The following MSI2 variants were observed in gnomAD, a reference collection of about 807,000 sequenced individuals.
MSI2 encodes the protein musashi RNA binding protein 2.
MSI2 carries 17 observed loss-of-function variants against 45.6 expected under a neutral mutation model. That is an observed-to-expected ratio of 0.37 (90% CI 0.26 to 0.56). The LOEUF is 0.56. Ranked by LOEUF, MSI2 falls within the 20% of genes least tolerant of loss-of-function variation. The probability of loss-of-function intolerance (pLI) is 0.77; values close to 1 mark genes in which losing one functional copy is unlikely to be tolerated. For synonymous variants in MSI2, 156 were observed against 158.2 expected (o/e 0.99, Z 0.11); for missense variants, 293 against 444.2 (o/e 0.66, Z 3.06).
At chr17:57,542,190 TG>T (rs1361283754) in intron 7 of MSI2, among the ~76,000 whole-genome samples, 1 of 152,162 alleles carries the variant, frequency 6.6e-6, no homozygotes. Context: ...GTGAGAATGG[TG>T]GTGACCCAAG....
At chr17:57,374,405 T>A (rs2083463475) in intron 5 of MSI2, among the ~76,000 whole-genome samples, 1 of 152,208 alleles carries the variant, frequency 6.6e-6, no homozygotes, top group African/African-American at 2.4e-5. Flanking sequence ...TTCCTCAATA[T>A]TTTTTTCCTG....
chr17:57,443,204 A>G (rs974516922), intron 6 of MSI2, among the ~76,000 whole-genome samples: 2 of 152,092 alleles, frequency 1.3e-5, no homozygotes, highest in African/African-American at 4.8e-5. Context: ...GGCCTTGGGT[A>G]AAGGGAGTGG....
chr17:57,546,215 A>G (rs968500173), intron 7 of MSI2, among the ~76,000 whole-genome samples: 10 of 152,198 alleles, frequency 6.6e-5, no homozygotes, highest in African/African-American at 2.4e-4. Context: ...GGTAATGAAT[A>G]AAGAAACATT....
intron 6 of MSI2, among the ~76,000 whole-genome samples, chr17:57,411,496 G>T (rs940371413): frequency 6.6e-6 from 1 of 152,314 alleles, no homozygotes; most frequent in South Asian, 2.1e-4. Context: ...CAACAGCCCT[G>T]TGAGGTAGGA....
chr17:57,695,444 C>G, the MSI2 span, among the ~76,000 whole-genome samples: 1 of 152,160 alleles, frequency 6.6e-6, no homozygotes, highest in African/African-American at 2.4e-5. Context: ...TGCGGTCACC[C>G]AGGACTTACT....
chr17:57,362,206 G>A (rs970513435), intron 5 of MSI2, among the ~76,000 whole-genome samples: 1 of 152,182 alleles, frequency 6.6e-6, no homozygotes, highest in Non-Finnish European at 1.5e-5. Flanking sequence ...GAATGAATGT[G>A]GAACCAAATT....
chr17:57,331,314 C>T (rs1914252667), intron 5 of MSI2, among the ~76,000 whole-genome samples: 4 of 152,168 alleles, frequency 2.6e-5, no homozygotes, highest in Non-Finnish European at 5.9e-5. Context: ...CACGTGGTTC[C>T]TCGATGAACC....
intron 5 of MSI2, among the ~76,000 whole-genome samples, chr17:57,386,354 G>A (rs2144053403): frequency 6.6e-6 from 1 of 152,230 alleles, no homozygotes; most frequent in South Asian, 2.1e-4. Flanking sequence ...GCCCAGTGTA[G>A]CAGTGAGGAG....
chr17:57,464,412 C>G (rs1428456559), intron 6 of MSI2, among the ~76,000 whole-genome samples: 1 of 152,190 alleles, frequency 6.6e-6, no homozygotes, highest in East Asian at 1.9e-4. Context: ...CCACTGCACT[C>G]CAGCCTGGGC....
intron 5 of MSI2, among the ~76,000 whole-genome samples, chr17:57,348,109 A>C (rs1915762220): frequency 6.6e-6 from 1 of 152,076 alleles, no homozygotes; most frequent in Non-Finnish European, 1.5e-5. Context: ...GGAAGACTCT[A>C]CTCTGCCTTT....
intron 6 of MSI2, among the ~76,000 whole-genome samples, chr17:57,519,359 G>GC (rs1484759486): frequency 6.6e-6 from 1 of 152,092 alleles, no homozygotes; most frequent in Non-Finnish European, 1.5e-5. Context: ...GCGCTCACTG[G>GC]CTACCACATG....
intron 6 of MSI2, among the ~76,000 whole-genome samples, chr17:57,500,948 G>GT (rs2086092353): frequency 6.6e-6 from 1 of 151,362 alleles, no homozygotes; most frequent in South Asian, 2.1e-4. Context: ...GGGTGACAAA[G>GT]TGAGACCCTG....
chr17:57,434,649 C>T (rs535773368), intron 6 of MSI2, among the ~76,000 whole-genome samples: 1 of 152,166 alleles, frequency 6.6e-6, no homozygotes, highest in African/African-American at 2.4e-5. Flanking sequence ...TAAGTGAGAT[C>T]ATGTAATATT....
intron 7 of MSI2, among the ~76,000 whole-genome samples, chr17:57,546,461 TTTTG>T (rs894778343): frequency 5.9e-5 from 9 of 152,154 alleles, no homozygotes; most frequent in African/African-American, 2.2e-4. Flanking sequence ...GGCTTAAAGA[TTTTG>T]TTTGAGTTTA....
At chr17:57,330,795 G>T (rs1914190242) in intron 5 of MSI2, among the ~76,000 whole-genome samples, 1 of 152,058 alleles carries the variant, frequency 6.6e-6, no homozygotes, top group South Asian at 2.1e-4. Context: ...AGCTGGGGTG[G>T]CACCCTGGGG....
At chr17:57,530,997 G>A (rs896805870) in intron 7 of MSI2, among the ~76,000 whole-genome samples, 1 of 152,144 alleles carries the variant, frequency 6.6e-6, no homozygotes, top group African/African-American at 2.4e-5. Flanking sequence ...GAGCAGTGGA[G>A]AAGCAGGGAG....
intron 10 of MSI2, chr17:57,631,869 A>G (rs772835388): frequency 6.2e-7 from 1 of 1,609,298 alleles, no homozygotes; most frequent in South Asian, 1.1e-5. Flanking sequence ...GGTTGCTACC[A>G]TTTCTAGAGA....
intron 6 of MSI2, chr17:57,450,263 G>GAAAGAAAGA (rs1598283616): frequency 8.5e-4 from 16 of 18,916 alleles, no homozygotes; most frequent in East Asian, 3.9e-3. Context: ...CTTAAAGAAA[G>GAAAGAAAGA]AAAGAAAGAA....
intron 6 of MSI2, among the ~76,000 whole-genome samples, chr17:57,458,347 G>A (rs528691371): frequency 1.3e-5 from 2 of 152,102 alleles, no homozygotes; most frequent in Non-Finnish European, 2.9e-5. Context: ...TGATCCACCC[G>A]CCTTGGCCTC....
Sources: gnomAD v4.1 joint callset for allele counts (sites outside exome capture counted in the v4.1 genomes callset) on GRCh38, gnomAD v4.1.1 for gene constraint, MANE v1.5 for transcripts, NCBI Gene and HGNC (gene_info 2026-07-23, HGNC 2026-07-21) for gene names.